SRPK2: variants seen among roughly 807,000 people sequenced by gnomAD.
SRPK2 encodes SFRS protein kinase 2.
In SRPK2, 21 loss-of-function variants were observed where a neutral mutation model predicts 90.8. The ratio of observed to expected loss-of-function variants is 0.23; its 90% CI spans 0.16 to 0.33. SRPK2 has a LOEUF of 0.33. Among genes scored for constraint, SRPK2 ranks in the 10% least tolerant of loss-of-function variants. SRPK2 has a pLI of 1.00. For missense variants in SRPK2, 620 were observed against 869.0 expected, an observed-to-expected ratio of 0.71 and a Z score of 3.60; for synonymous variants, 288 against 311.1, an observed-to-expected ratio of 0.93 and a Z score of 0.78.
At chr7:105,218,844 TTTC>T (rs1797763290) in intron 2 of SRPK2, among the ~76,000 whole-genome samples, 1 of 152,148 alleles carries the variant, frequency 6.6e-6, no homozygotes, top group South Asian at 2.1e-4. Context: ...CCTATTCATT[TTTC>T]TTTTCTCCTT....
At chr7:105,372,218 T>C (rs1354690412) in intron 2 of SRPK2, among the ~76,000 whole-genome samples, 3 of 151,622 alleles carry the variant, frequency 2.0e-5, no homozygotes, top group African/African-American at 4.8e-5. Flanking sequence ...ATAATAGTCA[T>C]TGCTGTTGCA....
chr7:105,197,135 T>C (rs538698075), intron 3 of SRPK2, among the ~76,000 whole-genome samples: 1 of 152,164 alleles, frequency 6.6e-6, no homozygotes, highest in East Asian at 1.9e-4. Flanking sequence ...GGGATGCCAA[T>C]GACAGCAAAT....
At chr7:105,194,122 T>C (rs1794630345) in intron 3 of SRPK2, among the ~76,000 whole-genome samples, 1 of 152,202 alleles carries the variant, frequency 6.6e-6, no homozygotes, top group Non-Finnish European at 1.5e-5. Flanking sequence ...TTTTATTTTA[T>C]AGTTAATGTT....
chr7:105,303,982 T>C (rs1197823166), intron 2 of SRPK2, among the ~76,000 whole-genome samples: 2 of 152,222 alleles, frequency 1.3e-5, no homozygotes, highest in African/African-American at 4.8e-5. Flanking sequence ...TAGAGTTGAC[T>C]TCAAAAGTTT....
chr7:105,273,095 G>A (rs1806039365), intron 2 of SRPK2, among the ~76,000 whole-genome samples: 1 of 151,828 alleles, frequency 6.6e-6, no homozygotes, highest in Admixed American at 6.6e-5. Context: ...GGCGCCTGTA[G>A]TCCCAGCTAC....
chr7:105,123,525 T>C (rs1800704597), intron 15 of SRPK2, among the ~76,000 whole-genome samples: 1 of 152,202 alleles, frequency 6.6e-6, no homozygotes, highest in Non-Finnish European at 1.5e-5. Flanking sequence ...TTTTAGCTAT[T>C]TTAGGAAAAA....
rs565076393 is a variant in SRPK2 at position 105,182,296 on chromosome 7, C to T, written c.230-13031G>A. On this transcript the variant is annotated intron_variant, in intron 3 of 15. Transcript: ENST00000393651. ...ACAGCAAAAAAGAGGAAAGCCCTGA[C>T]GTAAAAAAGGATAGCATGACGACAA... Among the ~76,000 whole-genome samples, 11 of 149,754 alleles carry T rather than the reference C, an allele frequency of 7.3e-5. No homozygotes were observed. The South Asian group carries it at 1.1e-3, about 14-fold the overall frequency.
chr7:105,369,152 AT>A (rs1819427929), intron 2 of SRPK2, among the ~76,000 whole-genome samples: 2 of 89,038 alleles, frequency 2.2e-5, no homozygotes, highest in Admixed American at 1.2e-4. Flanking sequence ...TATTATTATT[AT>A]TATTATTATT....
At chr7:105,353,616 T>C (rs146260730) in intron 2 of SRPK2, among the ~76,000 whole-genome samples, 1 of 152,188 alleles carries the variant, frequency 6.6e-6, no homozygotes, top group Non-Finnish European at 1.5e-5. Flanking sequence ...TCCGCCTTCT[T>C]TGGCCTCCCA....
At chr7:105,218,438 G>A (rs1797719012) in intron 2 of SRPK2, among the ~76,000 whole-genome samples, 1 of 152,202 alleles carries the variant, frequency 6.6e-6, no homozygotes, top group African/African-American at 2.4e-5. Context: ...CCATGGTTAA[G>A]AATCAATGCT....
intron 3 of SRPK2, among the ~76,000 whole-genome samples, chr7:105,198,549 C>T (rs1401767246): frequency 3.9e-5 from 6 of 152,270 alleles, no homozygotes; most frequent in East Asian, 3.9e-4. Flanking sequence ...GCTGACAGCT[C>T]TCTCTCCAGA....
At chr7:105,120,985 G>A (rs560048053) in intron 15 of SRPK2, among the ~76,000 whole-genome samples, 1 of 152,280 alleles carries the variant, frequency 6.6e-6, no homozygotes, top group African/African-American at 2.4e-5. Flanking sequence ...AATAAGAGGG[G>A]AAAGCATATT....
At chr7:105,336,665 TTACTGAACTACTTTTAAAAC>T (rs1316076251) in intron 2 of SRPK2, among the ~76,000 whole-genome samples, 2 of 152,236 alleles carry the variant, frequency 1.3e-5, no homozygotes, top group Non-Finnish European at 2.9e-5. Flanking sequence ...GTCTGTTGTC[TTACTGAACTACTTTTAAAAC>T]TACTTCCAGA....
intron 3 of SRPK2, among the ~76,000 whole-genome samples, chr7:105,170,977 G>GAA (rs749907215): frequency 0.043 from 1,805 of 41,928 alleles, 181 homozygotes; most frequent in African/African-American, 0.086. Context: ...GAGAAAGAAA[G>GAA]AGAAAGAAAG....
intron 1 of SRPK2, among the ~76,000 whole-genome samples, chr7:105,395,321 C>G (rs555984797): frequency 2.0e-5 from 3 of 151,698 alleles, no homozygotes; most frequent in Non-Finnish European, 2.9e-5. Context: ...GAGACCCCCC[C>G]ACCTCTATCA....
intron 2 of SRPK2, among the ~76,000 whole-genome samples, chr7:105,252,636 A>C (rs77257055): frequency 0.013 from 1,937 of 152,318 alleles, 31 homozygotes; most frequent in Admixed American, 0.04. Context: ...TGGCCTAAGT[A>C]TTTTAAACAA....
chr7:105,212,505 C>A (rs754442524), intron 2 of SRPK2, among the ~76,000 whole-genome samples: 2 of 152,082 alleles, frequency 1.3e-5, no homozygotes. Context: ...CACAGAGGCC[C>A]AAACTAATCT....
chr7:105,394,222 A>G (rs144579397), upstream of SRPK2, among the ~76,000 whole-genome samples: 418 of 149,526 alleles, frequency 2.8e-3, 10 homozygotes, highest in East Asian at 0.055. Context: ...GGCTCACCGC[A>G]ACCTCTGCCT....
intron 2 of SRPK2, among the ~76,000 whole-genome samples, chr7:105,309,651 T>G (rs1811495308): frequency 6.6e-6 from 1 of 151,792 alleles, no homozygotes; most frequent in African/African-American, 2.4e-5. Context: ...TGACCCAGAG[T>G]GGCCAAATAG....
Sources: gnomAD v4.1 joint callset for allele counts (sites outside exome capture counted in the v4.1 genomes callset) on GRCh38, gnomAD v4.1.1 for gene constraint, MANE v1.5 for transcripts, NCBI Gene and HGNC (gene_info 2026-07-23, HGNC 2026-07-21) for gene names.